Variants in PREX2 observed in about 807,000 individuals in gnomAD.
PREX2 encodes the protein phosphatidylinositol 3,4,5-trisphosphate-dependent Rac exchanger 2 protein.
In PREX2, 107 loss-of-function variants were observed where a neutral mutation model predicts 203.2. That is an observed-to-expected ratio of 0.53 (90% CI 0.45 to 0.62). The LOEUF is 0.62. PREX2 is among the 20% of genes least tolerant of loss of function. The probability of loss-of-function intolerance (pLI) is 0.00; values close to 1 mark genes in which losing one functional copy is unlikely to be tolerated. For missense variants in PREX2, 1,777 were observed against 1,955.9 expected (o/e 0.91, Z 1.72); for synonymous variants, 672 against 663.6 (o/e 1.01, Z -0.19).
At chr8:68,052,089 A>AG (rs1808541156) in intron 8 of PREX2, among the ~76,000 whole-genome samples, 2 of 152,162 alleles carry the variant, frequency 1.3e-5, no homozygotes, top group African/African-American at 2.4e-5. Flanking sequence ...AGATCATCTG[A>AG]GAAAAAAAAG....
chr8:67,972,148 G>A (rs1805943124), intron 1 of PREX2, among the ~76,000 whole-genome samples: 1 of 152,220 alleles, frequency 6.6e-6, no homozygotes, highest in Non-Finnish European at 1.5e-5. Flanking sequence ...TATAATTAAA[G>A]TTCACTGCCG....
At chr8:67,975,724 G>A (rs557902191) in intron 1 of PREX2, among the ~76,000 whole-genome samples, 1 of 50,826 alleles carries the variant, frequency 2.0e-5, no homozygotes, top group East Asian at 5.4e-4. Flanking sequence ...TTTTTTTTGA[G>A]ATGGAGTCTG....
intron 32 of PREX2, among the ~76,000 whole-genome samples, chr8:68,136,675 G>T (rs1381712175): frequency 6.6e-6 from 1 of 152,108 alleles, no homozygotes; most frequent in Non-Finnish European, 1.5e-5. Context: ...ATTTTTTTAA[G>T]ATAATGGTTT....
intron 34 of PREX2, among the ~76,000 whole-genome samples, chr8:68,150,591 C>CT (rs536559030): frequency 6.4e-4 from 98 of 152,314 alleles, no homozygotes; most frequent in African/African-American, 1.8e-3. Context: ...TTCCTTCTGG[C>CT]TCCCATTGTG....
intron 31 of PREX2, 37 bp downstream of exon 31, chr8:68,127,456 G>A: frequency 6.7e-7 from 1 of 1,486,648 alleles, no homozygotes. Flanking sequence ...TACTATTTAA[G>A]TGATTGTGGC....
At chr8:68,137,275 A>T (rs1811132017) in intron 32 of PREX2, among the ~76,000 whole-genome samples, 1 of 149,266 alleles carries the variant, frequency 6.7e-6, no homozygotes, top group South Asian at 2.1e-4. Context: ...TTGACATTTT[A>T]TTTTTTTTAA....
intron 2 of PREX2, among the ~76,000 whole-genome samples, chr8:68,018,817 C>A (rs1807482358): frequency 6.6e-6 from 1 of 152,104 alleles, no homozygotes; most frequent in Non-Finnish European, 1.5e-5. Context: ...ATGATGCTAA[C>A]TTACTGTTTT....
At chr8:68,069,972 G>T in intron 13 of PREX2, 88 bp downstream of exon 13, 1 of 673,212 alleles carries the variant, frequency 1.5e-6, no homozygotes. Flanking sequence ...GAACTTGTTG[G>T]CTTATTTTGT....
chr8:67,993,686 G>A (rs1402683074), intron 1 of PREX2, among the ~76,000 whole-genome samples: 1 of 152,138 alleles, frequency 6.6e-6, no homozygotes, highest in Non-Finnish European at 1.5e-5. Flanking sequence ...GGGGTTACAG[G>A]CATGAGCCAC....
chr8:68,118,439 T>C, intron 26 of PREX2, 111 bp from the exon 27 acceptor site: 1 of 653,884 alleles, frequency 1.5e-6, no homozygotes, highest in South Asian at 2.0e-5. Flanking sequence ...TCTCATAGTT[T>C]TCTCTAAAAC....
intron 1 of PREX2, among the ~76,000 whole-genome samples, chr8:67,980,730 T>G (rs745571034): frequency 6.6e-6 from 1 of 152,210 alleles, no homozygotes; most frequent in East Asian, 1.9e-4. Flanking sequence ...TCTCACTAGA[T>G]CTGATGGTTT....
intron 19 of PREX2, 37 bp from the exon 20 acceptor site, chr8:68,090,542 A>T (rs200259387): frequency 7.0e-6 from 11 of 1,570,352 alleles, no homozygotes; most frequent in African/African-American, 5.4e-5. Flanking sequence ...TTATTCCTGA[A>T]ATTTGTTTTT....
intron 34 of PREX2, among the ~76,000 whole-genome samples, chr8:68,154,106 A>T (rs996154677): frequency 6.6e-6 from 1 of 152,202 alleles, no homozygotes; most frequent in Non-Finnish European, 1.5e-5. Context: ...CTGCTGTGCC[A>T]TCCCACTGTT....
At chr8:68,142,132 A>G (rs1362351278) in intron 33 of PREX2, among the ~76,000 whole-genome samples, 1 of 152,230 alleles carries the variant, frequency 6.6e-6, no homozygotes, top group East Asian at 1.9e-4. Context: ...TAGCACATCA[A>G]AATCACTCAA....
rs147141671 is a variant in PREX2, at chr8:68,083,720, C to T, written c.2027+332C>T. On this transcript the variant is annotated intron_variant, in intron 18 of 39. Transcript: ENST00000288368. The stretch of plus-strand genomic sequence containing the variant: ...ATAAGGAACTGTGTTTCTCCATGTT[C>T]GGCTATAAGAATTTCTGGTGCTATC... 1.7e-3 allele frequency among the ~76,000 whole-genome samples: 253 copies of T among 152,120 alleles called. 1 individual carries two copies. The highest frequency in any genetic ancestry group is 5.7e-3 in the African/African-American group (238 of 41,516).
intron 5 of PREX2, among the ~76,000 whole-genome samples, 177 bp downstream of exon 5, chr8:68,027,500 C>T (rs530642892): frequency 3.9e-5 from 6 of 151,992 alleles, no homozygotes; most frequent in Non-Finnish European, 7.4e-5. Flanking sequence ...AACAGATGTT[C>T]AGTGGAAAAG....
intron 35 of PREX2, among the ~76,000 whole-genome samples, chr8:68,190,445 A>G (rs561307560): frequency 8.5e-5 from 13 of 152,224 alleles, no homozygotes; most frequent in Non-Finnish European, 1.9e-4. Context: ...AGCAACATGG[A>G]TGGAGCTGGA....
chr8:68,147,905 G>A (rs545795265), intron 34 of PREX2, among the ~76,000 whole-genome samples: 1 of 152,086 alleles, frequency 6.6e-6, no homozygotes, highest in African/African-American at 2.4e-5. Flanking sequence ...AAAAGAAGCA[G>A]TGGGCAAAAA....
At chr8:68,047,469 TTATATATATATATATATATATATATA>T (rs3056653) in intron 8 of PREX2, among the ~76,000 whole-genome samples, 4 of 117,632 alleles carry the variant, frequency 3.4e-5, no homozygotes, top group Admixed American at 8.9e-5. Context: ...ATGGATGAAT[TTATATATATATATATATATATATATA>T]TATATATATA....
Sources: allele counts gnomAD v4.1 joint callset (sites outside exome capture counted in the v4.1 genomes callset), GRCh38; gene constraint gnomAD v4.1.1; transcripts MANE v1.5; gene names NCBI Gene and HGNC (gene_info 2026-07-23, HGNC 2026-07-21).